The following ZNF490 variants were observed in gnomAD, a reference collection of about 807,000 sequenced individuals.
ZNF490 encodes zinc finger protein 490.
Under a neutral mutation model 17.7 loss-of-function variants are expected in ZNF490, and 11 were observed. The observed-to-expected ratio is 0.62, with a 90% CI of 0.39 to 1.03. The LOEUF (loss-of-function observed/expected upper bound fraction) is 1.03, where lower values mean the gene tolerates loss of function less well. Among genes scored for constraint, ZNF490 ranks in the 50% least tolerant of loss-of-function variants. The pLI is 0.00. For synonymous variants in ZNF490, 222 were observed against 216.1 expected, an observed-to-expected ratio of 1.03 and a Z score of -0.24; for missense variants, 542 against 643.4, an observed-to-expected ratio of 0.84 and a Z score of 1.71.
chr19:12,602,601 G>A (rs1451676296), intron 2 of ZNF490, among the ~76,000 whole-genome samples: 1 of 151,756 alleles, frequency 6.6e-6, no homozygotes, highest in African/African-American at 2.4e-5. Context: ...CATCTACACA[G>A]TGCAGCCCAT....
At chr19:12,598,970 G>T (rs1014799856) in intron 2 of ZNF490, among the ~76,000 whole-genome samples, 1 of 149,774 alleles carries the variant, frequency 6.7e-6, no homozygotes, top group African/African-American at 2.4e-5. Flanking sequence ...CTGGGCAACA[G>T]AGCGAGACTC....
chr19:12,590,105 C>T (rs1054021410), intron 2 of ZNF490, among the ~76,000 whole-genome samples: 2 of 151,314 alleles, frequency 1.3e-5, no homozygotes, highest in African/African-American at 2.4e-5. Context: ...TTAGTAGAGA[C>T]GGGGTTTCAC....
chr19:12,603,176 C>T (rs2023027014), intron 2 of ZNF490, among the ~76,000 whole-genome samples: 1 of 152,046 alleles, frequency 6.6e-6, no homozygotes, highest in South Asian at 2.1e-4. Context: ...CTTGTAATTT[C>T]CTAAGCGACT....
At chr19:12,601,202 C>T (rs1381678755) in intron 2 of ZNF490, among the ~76,000 whole-genome samples, 4 of 151,080 alleles carry the variant, frequency 2.6e-5, no homozygotes, top group African/African-American at 9.7e-5. Flanking sequence ...TCCTGGCTAA[C>T]ACGGTGAAAC....
At chr19:12,583,756 G>GCGCTCT (rs1273439568) in intron 2 of ZNF490, among the ~76,000 whole-genome samples, 200 bp from the exon 3 acceptor site, 1 of 29,750 alleles carries the variant, frequency 3.4e-5, no homozygotes, top group East Asian at 6.6e-4. Flanking sequence ...AAATTATTGC[G>GCGCTCT]CTCTCTCTCT....
Position 12,601,184 on chromosome 19 carries a change from C to G in ZNF490, c.162+7974G>C, listed in dbSNP as rs561874423. On this transcript the variant is annotated intron_variant, in intron 2 of 4. Coordinates refer to ENST00000311437, the MANE Select transcript of ZNF490 (RefSeq NM_020714.3). ...CGGGTAGATCACGAGGTCAGGAGAT[C>G]GAGACCATCCTGGCTAACACGGTGA... is the stretch of plus-strand genomic sequence containing the variant. Among the ~76,000 whole-genome samples the G allele has an allele frequency of 4.0e-5, 6 of 151,482 alleles. No homozygotes were observed. In the South Asian group the frequency reaches 6.3e-4, roughly 16 times the overall value.
chr19:12,594,015 G>A (rs896414911), intron 2 of ZNF490, among the ~76,000 whole-genome samples: 1 of 152,190 alleles, frequency 6.6e-6, no homozygotes, highest in Non-Finnish European at 1.5e-5. Context: ...CCAGGGCCCA[G>A]GAGAGCCTCA....
intron 3 of ZNF490, among the ~76,000 whole-genome samples, chr19:12,583,195 C>T (rs1043097144): frequency 6.6e-6 from 1 of 152,086 alleles, no homozygotes; most frequent in Non-Finnish European, 1.5e-5. Context: ...GCACCTGCCA[C>T]CAGGCCTGGC....
intron 2 of ZNF490, among the ~76,000 whole-genome samples, chr19:12,588,148 G>T (rs1417332639): frequency 1.3e-5 from 2 of 149,658 alleles, no homozygotes; most frequent in African/African-American, 2.5e-5. Flanking sequence ...ACAAGCGTGA[G>T]ACACCATGCC....
intron 2 of ZNF490, among the ~76,000 whole-genome samples, chr19:12,593,779 C>T (rs553166490): frequency 9.9e-4 from 150 of 152,270 alleles, no homozygotes; most frequent in African/African-American, 3.5e-3. Context: ...TACACACTCG[C>T]CACTGCTGTT....
chr19:12,587,922 T>C (rs1292900734), intron 2 of ZNF490, among the ~76,000 whole-genome samples: 1 of 93,612 alleles, frequency 1.1e-5, no homozygotes, highest in African/African-American at 3.2e-5. Context: ...CAGGCTGGAG[T>C]GCGATGGCGC....
chr19:12,610,286 G>A (rs1278231130), intron 1 of ZNF490, among the ~76,000 whole-genome samples: 1 of 122,028 alleles, frequency 8.2e-6, no homozygotes, highest in Non-Finnish European at 1.7e-5. Flanking sequence ...CGATCCACCC[G>A]CCTCAGCCCA....
chr19:12,593,339 C>T (rs1296612115), intron 2 of ZNF490, among the ~76,000 whole-genome samples: 1 of 152,012 alleles, frequency 6.6e-6, no homozygotes, highest in Admixed American at 6.6e-5. Flanking sequence ...CCTCCGCCTC[C>T]CAGGTTCAAG....
At position 12,590,195 on chromosome 19, in the gene ZNF490, A is replaced by G. The variant is rs143361424; in HGVS notation, c.163-6639T>C. Among the ~76,000 whole-genome samples, 138 of 150,120 alleles carry G rather than the reference A, an allele frequency of 9.2e-4. 1 individual carries two copies. Among genetic ancestry groups the G allele is most frequent in the African/African-American group, 3.1e-3 (127 of 40,746 alleles). The stretch of plus-strand genomic sequence containing the variant: ...CTCCCAAAGTGCTGGGATTACAGGC[A>G]TGAGCCACCATGCCTGGCCTTTTTT... On this transcript the variant is annotated intron_variant, in intron 2 of 4. Coordinates refer to ENST00000311437, the MANE Select transcript of ZNF490 (RefSeq NM_020714.3).
chr19:12,597,179 C>CCTCCCTACGGATCCCTCA, intron 2 of ZNF490: 1 of 459,012 alleles, frequency 2.2e-6, no homozygotes, highest in Non-Finnish European at 4.4e-6. Context: ...CTCCAGGAGT[C>CCTCCCTACGGATCCCTCA]CTCCCTACGG....
At chr19:12,598,451 C>G (rs2022961342) in intron 2 of ZNF490, among the ~76,000 whole-genome samples, 1 of 150,388 alleles carries the variant, frequency 6.6e-6, no homozygotes, top group Non-Finnish European at 1.5e-5. Context: ...CTCCGCTCAC[C>G]GCAACCTCCG....
At position 12,580,546 on chromosome 19, in the gene ZNF490, G is replaced by A; in HGVS notation, c.1529C>T (p.Ala510Val). ...RPFQCRQCGK[A>V]FSYSKSLHVH... ...GTGCAAAGACTTTGAGTAACTGAAG[G>A]CTTTACCACATTGTCTACACTGAAA... Residue 510 changes from alanine to valine, a missense_variant, in exon 5 of 5, where the codon GCC (alanine) becomes GTC (valine). Coordinates refer to ENST00000311437, the MANE Select transcript of ZNF490 (RefSeq NM_020714.3). 1 of 1,613,734 alleles carries A rather than the reference G, an allele frequency of 6.2e-7. No individual in the cohort carries two copies. Among genetic ancestry groups the A allele is most frequent in the Non-Finnish European group, 8.5e-7 (1 of 1,179,820 alleles).
At position 12,580,905 on chromosome 19, in the gene ZNF490, A is replaced by G; in HGVS notation, c.1170T>C (p.Tyr390=). Residue 390 remains tyrosine (Y), a synonymous_variant, in exon 5 of 5, where the codon TAT becomes TAC. Coordinates refer to ENST00000311437, the MANE Select transcript of ZNF490 (RefSeq NM_020714.3). ...AGGCTTTACCACATTGTTTACATTC[A>G]TAGGGTTTTTCTCCAAAATGAGTTC... The part of the protein sequence containing the change: ...HERTHFGEKP[Y]ECKQCGKAFN... 1.9e-6 allele frequency: 3 copies of G among 1,614,228 alleles called. No individual in the cohort carries two copies. The highest frequency in any genetic ancestry group is 2.5e-6 in the Non-Finnish European group (3 of 1,180,048).
At position 12,610,587 on chromosome 19, in the gene ZNF490, T is replaced by C. The variant is rs191647137; in HGVS notation, c.94A>G (p.Thr32Ala). 579 of 1,614,002 alleles carry C rather than the reference T, an allele frequency of 3.6e-4. 4 individuals carry two copies. Among genetic ancestry groups the C allele is most frequent in the Non-Finnish European group, 2.0e-5 (24 of 1,179,990 alleles). The change falls in exon 1 of 5, where the codon ACA becomes GCA. Residue 32 changes from threonine to alanine, a missense_variant. Transcript: ENST00000311437. ...ACCTGGAGGACATCAGACCCTCCTG[T>C]TCCTGTGCGGCCTTGACTAGACGAC... is the stretch of plus-strand genomic sequence containing the variant. ...KWSSSQGRTGTGGSDVLQMQN... is the reference protein window; with the variant it reads ...KWSSSQGRTGAGGSDVLQMQN...
Sources: gnomAD v4.1 joint callset for allele counts (sites outside exome capture counted in the v4.1 genomes callset) on GRCh38, gnomAD v4.1.1 for gene constraint, MANE v1.5 for transcripts, NCBI Gene and HGNC (gene_info 2026-07-23, HGNC 2026-07-21) for gene names.